DNAJA4: variants seen among roughly 807,000 people sequenced by gnomAD.
The protein encoded by DNAJA4 is dnaJ homolog subfamily A member 4.
A neutral mutation model predicts 39.7 loss-of-function variants in DNAJA4; 32 were observed. That is an observed-to-expected ratio of 0.81 (90% CI 0.61 to 1.08). The LOEUF (loss-of-function observed/expected upper bound fraction) is 1.08, where lower values mean the gene tolerates loss of function less well. Among genes scored for constraint, DNAJA4 ranks in the 50% least tolerant of loss-of-function variants. The probability of loss-of-function intolerance (pLI) is 0.00; values close to 1 mark genes in which losing one functional copy is unlikely to be tolerated. For missense variants in DNAJA4, 439 were observed against 505.1 expected, an observed-to-expected ratio of 0.87 and a Z score of 1.25; for synonymous variants, 184 against 182.4, an observed-to-expected ratio of 1.01 and a Z score of -0.07.
chr15:78,270,782 GC>G, intron 2 of DNAJA4, 105 bp downstream of exon 2: 1 of 1,269,744 alleles, frequency 7.9e-7, no homozygotes, highest in South Asian at 1.7e-5. Flanking sequence ...ATTGGGCCAG[GC>G]GCGGTGGTTC....
Position 78,280,379 on chromosome 15 carries a change from G to A in DNAJA4, c.1113G>A (p.Glu371=). 6.2e-7 allele frequency: 1 copy of A among 1,614,202 alleles called. No homozygotes were observed. The highest frequency in any genetic ancestry group is 8.5e-7 in the Non-Finnish European group (1 of 1,180,040). Residue 371 remains glutamate, a synonymous_variant, in exon 7 of 7, where the codon GAG becomes GAA. Coordinates refer to ENST00000394852, the MANE Select transcript of DNAJA4 (RefSeq NM_001130182.2). ...AGCTGAAGGAGTTTTGTCCCAATGAGCAGAACTGGCGTCAGCACAGGGAGG... is the reference window on the plus strand; with the variant it reads ...AGCTGAAGGAGTTTTGTCCCAATGAACAGAACTGGCGTCAGCACAGGGAGG... ...QVELKEFCPN[E]QNWRQHREAY... is the part of the protein sequence containing the mutation.
At chr15:78,266,100 G>A in intron 1 of DNAJA4, 3 of 736,868 alleles carry the variant, frequency 4.1e-6, no homozygotes, top group Non-Finnish European at 6.6e-6. Flanking sequence ...GCTTACTGTA[G>A]CTTTTAAAGG....
intron 5 of DNAJA4, among the ~76,000 whole-genome samples, chr15:78,276,622 T>TG (rs2049467188): frequency 6.6e-6 from 1 of 152,246 alleles, no homozygotes; most frequent in Admixed American, 6.5e-5. Flanking sequence ...TCTGGATGGG[T>TG]GTGGTGGCGG....
At position 78,273,152 on chromosome 15, in the gene DNAJA4, C is replaced by T. The variant is rs541645916; in HGVS notation, c.371C>T (p.Thr124Met). The change falls in exon 3 of 7, where the codon ACG (threonine) becomes ATG (methionine). Residue 124 changes from threonine to methionine, a missense_variant. Coordinates refer to ENST00000394852, the MANE Select transcript of DNAJA4 (RefSeq NM_001130182.2). ...CTTGAAGATCTATATAATGGAGTCA[C>T]GAAGAAATTGGCCCTCCAGAAAAAT... ...VTLEDLYNGVTKKLALQKNVI... is the reference protein window; with the variant it reads ...VTLEDLYNGVMKKLALQKNVI... 36 of 1,606,588 alleles carry T rather than the reference C, an allele frequency of 2.2e-5. No homozygotes were observed. Among genetic ancestry groups the T allele is most frequent in the Middle Eastern group, 1.7e-4 (1 of 6,046 alleles).
At chr15:78,275,071 G>A (rs1241796077) in intron 4 of DNAJA4, 1 of 188,874 alleles carries the variant, frequency 5.3e-6, no homozygotes, top group East Asian at 1.3e-4. Context: ...AGGACTTACT[G>A]TTTAAACATG....
At chr15:78,270,251 G>C (rs2049257068) in intron 1 of DNAJA4, 1 of 378,056 alleles carries the variant, frequency 2.6e-6, no homozygotes, top group Non-Finnish European at 4.8e-6. Context: ...CTCTCTACTG[G>C]CTTCTCTCCC....
intron 1 of DNAJA4, 72 bp from the exon 2 acceptor site, chr15:78,270,425 T>G: frequency 6.7e-7 from 1 of 1,501,114 alleles, no homozygotes; most frequent in African/African-American, 1.4e-5. Context: ...ACTTTGTATG[T>G]TTATATGGCA....
intron 5 of DNAJA4, chr15:78,278,155 C>T (rs2141465551): frequency 2.2e-6 from 1 of 456,068 alleles, no homozygotes; most frequent in Non-Finnish European, 4.4e-6. Context: ...GCCCTGCCTG[C>T]AGGCAGGTAT....
chr15:78,265,661 G>A (rs1423149598), intron 1 of DNAJA4: 2 of 702,214 alleles, frequency 2.8e-6, no homozygotes. Flanking sequence ...CTCTAAAGAG[G>A]CTCATGACCC....
chr15:78,270,719 C>T, intron 2 of DNAJA4, 42 bp downstream of exon 2: 13 of 1,586,506 alleles, frequency 8.2e-6, no homozygotes, highest in Non-Finnish European at 1.1e-5. Flanking sequence ...GTATGGTTTC[C>T]ACAATTATAC....
chr15:78,271,029 C>T (rs572276964), intron 2 of DNAJA4, among the ~76,000 whole-genome samples: 11 of 151,504 alleles, frequency 7.3e-5, no homozygotes, highest in South Asian at 4.2e-4. Context: ...CCAGCCTGCA[C>T]GGCAGGGTGA....
chr15:78,280,151 T>A lies in DNAJA4; in HGVS notation c.978+6T>A. ...TTCTGATCATACAGTTTTTAGTAAG[T>A]TCACTATGTTTCATTGTCATGGACA... On this transcript the variant is annotated splice_donor_region_variant and intron_variant, in intron 6 of 6. Transcript: ENST00000394852. The A allele has an allele frequency of 6.2e-7, 1 of 1,613,704 alleles. No individual in the cohort carries two copies.
At chr15:78,275,826 C>T (rs2049441526) in intron 5 of DNAJA4, 98 bp downstream of exon 5, 1 of 821,826 alleles carries the variant, frequency 1.2e-6, no homozygotes. Context: ...TAATATTTTA[C>T]ATATTGATGG....
intron 5 of DNAJA4, among the ~76,000 whole-genome samples, chr15:78,276,576 A>C (rs1430619698): frequency 6.6e-6 from 1 of 152,282 alleles, no homozygotes; most frequent in Non-Finnish European, 1.5e-5. Context: ...GCTGCTTCTG[A>C]ATAGCACTAA....
chr15:78,279,927 G>A lies in DNAJA4; in HGVS notation c.878-118G>A, dbSNP rs890169392. ...GGCCAGCTTTCCAGTCAGATGCCAC[G>A]TTTCCTTTGCCCACTGCCACGGGGC... On this transcript the variant is annotated intron_variant, in intron 5 of 6. Coordinates refer to ENST00000394852, the MANE Select transcript of DNAJA4 (RefSeq NM_001130182.2). This position sits in a 1 kb window ranked among gnomAD's most constrained non-coding sequence, Gnocchi z 4.5. 1.5e-5 allele frequency: 13 copies of A among 886,608 alleles called. No homozygotes were observed. The highest frequency in any genetic ancestry group is 2.3e-4 in the Middle Eastern group (1 of 4,314). 54.9% of individuals were successfully genotyped at this position (886,608 alleles called of 1,614,324 possible). A position where few individuals can be genotyped will look rare whatever the true frequency, so the allele number is the denominator to read the frequency against.
intron 1 of DNAJA4, among the ~76,000 whole-genome samples, chr15:78,267,095 C>G (rs898875277): frequency 5.3e-5 from 8 of 150,922 alleles, no homozygotes; most frequent in African/African-American, 4.9e-5. Context: ...CTGGTCCCCA[C>G]TGTGTGCTGG....
intron 3 of DNAJA4, among the ~76,000 whole-genome samples, chr15:78,273,715 C>T (rs1157502437): frequency 6.6e-6 from 1 of 152,094 alleles, no homozygotes; most frequent in Non-Finnish European, 1.5e-5. Context: ...GTTTCTTGAC[C>T]CCTGACTTAA....
At position 78,274,206 on chromosome 15, in the gene DNAJA4, G is replaced by A. The variant is rs2049380409; in HGVS notation, c.428G>A (p.Gly143Glu). ...VICEKCEGVG[G>E]KKGSVEKCPL... ...TCCCCTGACCCTGCAGGTGTTGGTG[G>A]GAAGAAGGGATCGGTGGAGAAGTGC... The change falls in exon 4 of 7, where the codon GGG (glycine) becomes GAG (glutamate). Residue 143 changes from glycine (G) to glutamate (E), a missense_variant. Coordinates refer to ENST00000394852, the MANE Select transcript of DNAJA4 (RefSeq NM_001130182.2). 2 of 1,613,730 alleles carry A rather than the reference G, an allele frequency of 1.2e-6. No individual in the cohort carries two copies. The highest frequency in any genetic ancestry group is 1.7e-6 in the Non-Finnish European group (2 of 1,179,716).
upstream of DNAJA4, chr15:78,264,380 C>T (rs1365611662): frequency 9.0e-6 from 13 of 1,438,124 alleles, no homozygotes; most frequent in Non-Finnish European, 1.1e-5. Flanking sequence ...GGAGCAGACG[C>T]CCGAGAAGCC....
Sources: allele counts gnomAD v4.1 joint callset (sites outside exome capture counted in the v4.1 genomes callset), GRCh38; gene constraint gnomAD v4.1.1; non-coding constraint Gnocchi (gnomAD v3.1); transcripts MANE v1.5; gene names NCBI Gene and HGNC (gene_info 2026-07-23, HGNC 2026-07-21).